ADGRB3: variants seen among roughly 807,000 people sequenced by gnomAD.
ADGRB3 encodes the protein adhesion G protein-coupled receptor B3, also known as brain-specific angiogenesis inhibitor 3.
A neutral mutation model predicts 193.4 loss-of-function variants in ADGRB3; 37 were observed. The observed-to-expected ratio is 0.19, with a 90% confidence interval of 0.15 to 0.25. The LOEUF is 0.25. ADGRB3 is among the 10% of genes least tolerant of loss of function. ADGRB3 has a pLI of 1.00. For synonymous variants in ADGRB3, 690 were observed against 644.2 expected, an observed-to-expected ratio of 1.07 and a Z score of -1.08; for missense variants, 1,637 against 1,852.9, an observed-to-expected ratio of 0.88 and a Z score of 2.14.
rs1337783111 is a variant in ADGRB3, at chr6:69,031,466, T to C, written c.2107+12967T>C. ...AAAAAAAAAAAAAAAATTCTAGAGT[T>C]TCTTACATGTTAACATGTAGACCTA... On this transcript the variant is annotated intron_variant, in intron 13 of 31. Coordinates refer to ENST00000370598, the MANE Select transcript of ADGRB3 (RefSeq NM_001704.3). Among the ~76,000 whole-genome samples, 7 of 148,580 alleles carry C rather than the reference T, an allele frequency of 4.7e-5. No individual in the cohort carries two copies. In the East Asian group the frequency reaches 1.4e-3, roughly 30 times the overall value.
intron 31 of ADGRB3, among the ~76,000 whole-genome samples, chr6:69,387,179 C>G (rs888361848): frequency 9.2e-5 from 14 of 152,024 alleles, no homozygotes; most frequent in African/African-American, 2.9e-4. Flanking sequence ...GAATTTGGAC[C>G]TGCATGTATC....
chr6:68,976,682 AT>A (rs1379695765), intron 10 of ADGRB3, among the ~76,000 whole-genome samples: 1 of 152,160 alleles, frequency 6.6e-6, no homozygotes, highest in African/African-American at 2.4e-5. Context: ...GATAAATTAT[AT>A]TTGCTTGAAT....
intron 17 of ADGRB3, among the ~76,000 whole-genome samples, chr6:69,121,546 A>C (rs1464011108): frequency 6.6e-6 from 1 of 152,058 alleles, no homozygotes; most frequent in Non-Finnish European, 1.5e-5. Context: ...TACACTTCCC[A>C]GACGGGGCAG....
intron 17 of ADGRB3, among the ~76,000 whole-genome samples, chr6:69,162,686 TA>T (rs1417692325): frequency 2.0e-5 from 3 of 152,112 alleles, no homozygotes; most frequent in Non-Finnish European, 4.4e-5. Flanking sequence ...CAACATTTTA[TA>T]AAATGAGTGA....
At chr6:69,060,454 G>C (rs908883776) in intron 15 of ADGRB3, among the ~76,000 whole-genome samples, 1 of 152,000 alleles carries the variant, frequency 6.6e-6, no homozygotes, top group Non-Finnish European at 1.5e-5. Flanking sequence ...CACACAGGGA[G>C]CTTCATAAAT....
intron 3 of ADGRB3, among the ~76,000 whole-genome samples, chr6:68,885,422 T>C (rs555384324): frequency 1.3e-5 from 2 of 152,352 alleles, no homozygotes; most frequent in Non-Finnish European, 2.9e-5. Flanking sequence ...ATGTTTACAT[T>C]TGTGGAATGA....
intron 3 of ADGRB3, among the ~76,000 whole-genome samples, chr6:68,862,369 A>T (rs1009643799): frequency 6.6e-6 from 1 of 152,140 alleles, no homozygotes; most frequent in Non-Finnish European, 1.5e-5. Context: ...GACCTACACC[A>T]TGGGTGCACC....
rs752625602 is a variant in ADGRB3 at position 68,840,369 on chromosome 6, C to CTTTTTTT, written c.758-90157_758-90151dup. ...GCAGTGGAGTAAGGCACTGGGCAGT[C>CTTTTTTT]TTTTTTTTTTTTTTTTTTTTTTTTT... On this transcript the variant is annotated intron_variant, in intron 3 of 31. Transcript: ENST00000370598. Among the ~76,000 whole-genome samples the CTTTTTTT allele has an allele frequency of 5.4e-3, 373 of 69,394 alleles. 62 individuals carry two copies. The highest frequency in any genetic ancestry group is 6.0e-3 in the Non-Finnish European group (247 of 40,854). The allele number at this position is 69,394 out of a possible 152,430, so 45.5% of individuals were successfully genotyped here.
intron 20 of ADGRB3, among the ~76,000 whole-genome samples, chr6:69,265,153 A>G (rs1352841389): frequency 6.6e-6 from 1 of 151,958 alleles, no homozygotes. Context: ...TAAAGCTGGG[A>G]GTCCTGAAAA....
chr6:68,844,629 C>A (rs1427550442), intron 3 of ADGRB3, among the ~76,000 whole-genome samples: 1 of 151,970 alleles, frequency 6.6e-6, no homozygotes, highest in Non-Finnish European at 1.5e-5. Context: ...GGTGTATACC[C>A]AAAAGTAATC....
Position 69,218,068 on chromosome 6 carries a change from C to CAA in ADGRB3, c.2481-15206_2481-15205dup, listed in dbSNP as rs556270079. On this transcript the variant is annotated intron_variant, in intron 17 of 31. Transcript: ENST00000370598. Reference sequence around the variant, plus strand: ...ATGTAAAAGCCTTAACTCCAGCTGACAAAAAAAAAAAAAAAAAGAAGAAGT... The same window carrying CAA: ...ATGTAAAAGCCTTAACTCCAGCTGACAAAAAAAAAAAAAAAAAAAGAAGAAGT... 6.0e-3 allele frequency among the ~76,000 whole-genome samples: 485 copies of CAA among 81,148 alleles called. 5 individuals carry two copies. The highest frequency in any genetic ancestry group is 0.017 in the African/African-American group (333 of 20,092). 53.2% of individuals were successfully genotyped at this position (81,148 alleles called of 152,430 possible).
intron 3 of ADGRB3, among the ~76,000 whole-genome samples, chr6:68,708,217 T>A (rs1489965738): frequency 6.6e-6 from 1 of 152,064 alleles, no homozygotes; most frequent in Non-Finnish European, 1.5e-5. Context: ...ATAATAATAA[T>A]AAAATTATAT....
At chr6:69,210,564 T>C (rs926093296) in intron 17 of ADGRB3, among the ~76,000 whole-genome samples, 2 of 152,062 alleles carry the variant, frequency 1.3e-5, no homozygotes, top group Non-Finnish European at 2.9e-5. Context: ...TCACATACAT[T>C]TTAATTTTTT....
At chr6:69,234,034 T>C (rs536772055) in intron 18 of ADGRB3, among the ~76,000 whole-genome samples, 1 of 152,176 alleles carries the variant, frequency 6.6e-6, no homozygotes, top group Non-Finnish European at 1.5e-5. Flanking sequence ...TCTCATCAAT[T>C]GTATTTTGAG....
At chr6:68,792,040 T>C (rs1474807524) in intron 3 of ADGRB3, among the ~76,000 whole-genome samples, 3 of 152,170 alleles carry the variant, frequency 2.0e-5, no homozygotes, top group Non-Finnish European at 4.4e-5. Context: ...AGAAAAAAAT[T>C]GGTAAAAAGA....
At chr6:69,320,251 A>C (rs1193091199) in intron 20 of ADGRB3, among the ~76,000 whole-genome samples, 1 of 151,448 alleles carries the variant, frequency 6.6e-6, no homozygotes, top group Non-Finnish European at 1.5e-5. Flanking sequence ...TATTATTTTC[A>C]ATTTTATATC....
chr6:68,692,319 C>T (rs192671502), intron 3 of ADGRB3, among the ~76,000 whole-genome samples: 43 of 151,786 alleles, frequency 2.8e-4, no homozygotes, highest in African/African-American at 9.6e-4. Flanking sequence ...AAGTTAATTT[C>T]GTGTTTAAAG....
chr6:69,300,322 C>G (rs1767922402), intron 20 of ADGRB3, among the ~76,000 whole-genome samples: 1 of 151,526 alleles, frequency 6.6e-6, no homozygotes, highest in African/African-American at 2.4e-5. Flanking sequence ...TAGTCCAACA[C>G]AATAAAGGCC....
At position 69,064,850 on chromosome 6, in the gene ADGRB3, A is replaced by G. The variant is rs1038176559; in HGVS notation, c.2436+1814A>G. On this transcript the variant is annotated intron_variant, in intron 16 of 31. Coordinates refer to ENST00000370598, the MANE Select transcript of ADGRB3 (RefSeq NM_001704.3). ...GAGTAGTCTCAAAAATAGTGTTGAA[A>G]TAGTCTCACTATTTGAGTATAATAA... Among the ~76,000 whole-genome samples, 13 of 152,240 alleles carry G rather than the reference A, an allele frequency of 8.5e-5. No individual in the cohort carries two copies. The East Asian group carries it at 1.9e-3, about 23-fold the overall frequency.
Sources: allele counts gnomAD v4.1 joint callset (sites outside exome capture counted in the v4.1 genomes callset), GRCh38; gene constraint gnomAD v4.1.1; transcripts MANE v1.5; gene names NCBI Gene and HGNC (gene_info 2026-07-23, HGNC 2026-07-21).